Variants in RNFT2 observed in about 807,000 individuals in gnomAD.
RNFT2 encodes ring finger protein, transmembrane 2, also known as E3 ubiquitin-protein ligase RNFT2.
RNFT2 carries 36 observed loss-of-function variants against 53.0 expected under a neutral mutation model. The observed-to-expected ratio is 0.68, with a 90% CI of 0.52 to 0.90. The LOEUF (loss-of-function observed/expected upper bound fraction) is 0.90. RNFT2 is among the 40% of genes least tolerant of loss of function. RNFT2 has a pLI of 0.00. For missense variants in RNFT2, 514 were observed against 585.6 expected, an observed-to-expected ratio of 0.88 and a Z score of 1.26; for synonymous variants, 260 against 253.2, an observed-to-expected ratio of 1.03 and a Z score of -0.26.
At chr12:116,750,372 G>A in intron 4 of RNFT2, 65 bp downstream of exon 4, 1 of 1,477,718 alleles carries the variant, frequency 6.8e-7, no homozygotes, top group Non-Finnish European at 9.1e-7. Flanking sequence ...GCAGCCGGTG[G>A]GGTGGGGGCT....
intron 7 of RNFT2, among the ~76,000 whole-genome samples, chr12:116,785,894 C>T (rs1555261595): frequency 4.6e-5 from 7 of 150,718 alleles, no homozygotes; most frequent in Non-Finnish European, 1.0e-4. Context: ...ACAAAAAATA[C>T]AAAAAAAAAT....
intron 10 of RNFT2, among the ~76,000 whole-genome samples, chr12:116,843,859 C>T (rs1165364268): frequency 6.6e-6 from 1 of 152,212 alleles, no homozygotes; most frequent in Non-Finnish European, 1.5e-5. Context: ...TTGTCATCTG[C>T]ATTCCCATTC....
At chr12:116,785,680 T>C (rs1392518972) in intron 7 of RNFT2, among the ~76,000 whole-genome samples, 2 of 152,032 alleles carry the variant, frequency 1.3e-5, no homozygotes, top group Non-Finnish European at 2.9e-5. Context: ...AAACGGTGAG[T>C]AAGTGAAATG....
At chr12:116,815,763 C>G (rs559205021) in intron 7 of RNFT2, among the ~76,000 whole-genome samples, 1 of 152,088 alleles carries the variant, frequency 6.6e-6, no homozygotes, top group Non-Finnish European at 1.5e-5. Context: ...ATCTTTGGGG[C>G]GGGGGCATTA....
At chr12:116,841,273 G>A (rs756568410) in intron 10 of RNFT2, among the ~76,000 whole-genome samples, 6 of 151,994 alleles carry the variant, frequency 3.9e-5, no homozygotes, top group Non-Finnish European at 5.9e-5. Flanking sequence ...GCAACATAGC[G>A]AGACCCCCAT....
At chr12:116,832,148 A>AT (rs56674314) in intron 7 of RNFT2, among the ~76,000 whole-genome samples, 632 of 55,150 alleles carry the variant, frequency 0.011, 8 homozygotes, top group South Asian at 0.048. Context: ...AAAAAAAAAA[A>AT]ATATATATAT....
rs1877919758 is a variant in RNFT2 at position 116,851,422 on chromosome 12, G to T, written c.*1974G>T. 2.9e-6 allele frequency: 1 copy of T among 340,764 alleles called. No individual in the cohort carries two copies. The highest frequency in any genetic ancestry group is 2.1e-5 in the African/African-American group (1 of 47,836). 21.1% of individuals were successfully genotyped at this position (340,764 alleles called of 1,614,324 possible). A position where few individuals can be genotyped will look rare whatever the true frequency, so the allele number is the denominator to read the frequency against. Reference sequence around the variant, plus strand: ...GCCCCTCAGACATTCCAGGCATGGGGCCCAGCAGACACGGTCTTCTAAAAG... The same window carrying T: ...GCCCCTCAGACATTCCAGGCATGGGTCCCAGCAGACACGGTCTTCTAAAAG... On this transcript the variant is annotated 3_prime_UTR_variant, in exon 11 of 11. Transcript: ENST00000257575.
chr12:116,771,912 A>G (rs1873214635), intron 6 of RNFT2, among the ~76,000 whole-genome samples: 1 of 152,232 alleles, frequency 6.6e-6, no homozygotes, highest in African/African-American at 2.4e-5. Context: ...TAAATGAAGC[A>G]GGCAGAATCT....
intron 6 of RNFT2, among the ~76,000 whole-genome samples, chr12:116,771,284 A>G (rs577097118): frequency 1.1e-3 from 170 of 151,380 alleles, no homozygotes; most frequent in Non-Finnish European, 2.0e-3. Flanking sequence ...ACATGGTGAG[A>G]CTCCATCTCT....
chr12:116,851,076 G>C lies in RNFT2; in HGVS notation c.*1628G>C, dbSNP rs1276320715. On this transcript the variant is annotated 3_prime_UTR_variant, in exon 11 of 11. Coordinates refer to ENST00000257575, the MANE Select transcript of RNFT2 (RefSeq NM_001382266.1). ...TCATCCTCACAACAGCCCTGTGATGGGGGAGGTACTGTTGGGTCCCCTGTT... is the reference window on the plus strand; with the variant it reads ...TCATCCTCACAACAGCCCTGTGATGCGGGAGGTACTGTTGGGTCCCCTGTT... The C allele has an allele frequency of 6.6e-6, 1 of 152,204 alleles. No homozygotes were observed. Among genetic ancestry groups the C allele is most frequent in the African/African-American group, 2.4e-5 (1 of 41,424 alleles). The allele number at this position is 152,204 out of a possible 1,614,324, so 9.4% of individuals were successfully genotyped here.
At chr12:116,826,011 GCATTTTTCATA>G (rs1876311843) in intron 7 of RNFT2, among the ~76,000 whole-genome samples, 2 of 152,130 alleles carry the variant, frequency 1.3e-5, no homozygotes, top group South Asian at 4.1e-4. Flanking sequence ...CTCTGTCTGT[GCATTTTTCATA>G]CATTGAAGCT....
At chr12:116,816,412 G>C (rs941959296) in intron 7 of RNFT2, among the ~76,000 whole-genome samples, 89 of 152,198 alleles carry the variant, frequency 5.8e-4, no homozygotes, top group African/African-American at 2.1e-3. Flanking sequence ...GACTCTGCCA[G>C]CTGGCCCCTG....
intron 6 of RNFT2, among the ~76,000 whole-genome samples, chr12:116,774,608 C>G (rs918492657): frequency 6.6e-6 from 1 of 152,088 alleles, no homozygotes; most frequent in Non-Finnish European, 1.5e-5. Context: ...CTCAAGTCAG[C>G]CTTTCAGATC....
At chr12:116,800,199 C>A (rs759434849) in intron 7 of RNFT2, among the ~76,000 whole-genome samples, 3 of 152,040 alleles carry the variant, frequency 2.0e-5, no homozygotes, top group Non-Finnish European at 4.4e-5. Context: ...CTTTTCTTTA[C>A]AAATCACCTA....
intron 7 of RNFT2, among the ~76,000 whole-genome samples, chr12:116,818,803 G>A (rs989969878): frequency 3.9e-5 from 6 of 152,192 alleles, no homozygotes; most frequent in Admixed American, 2.0e-4. Context: ...CTGTAAAATG[G>A]TCCGTATAAT....
At chr12:116,800,811 C>CA (rs1201838970) in intron 7 of RNFT2, among the ~76,000 whole-genome samples, 3 of 29,856 alleles carry the variant, frequency 1.0e-4, no homozygotes, top group Admixed American at 5.6e-4. Context: ...AAGACTCCAT[C>CA]TTAAAATAAA....
At chr12:116,743,625 T>C (rs897958615) in intron 3 of RNFT2, among the ~76,000 whole-genome samples, 18 of 152,118 alleles carry the variant, frequency 1.2e-4, no homozygotes, top group African/African-American at 4.3e-4. Flanking sequence ...TGTTCTCAGA[T>C]TGGGACAGCC....
chr12:116,823,694 A>G (rs1308169487), intron 7 of RNFT2, among the ~76,000 whole-genome samples: 1 of 152,156 alleles, frequency 6.6e-6, no homozygotes, highest in Non-Finnish European at 1.5e-5. Flanking sequence ...AAAAAATAAT[A>G]ATAATAATTC....
At chr12:116,832,148 A>AATATATATATATATATATATATATATAT (rs1555209703) in intron 7 of RNFT2, among the ~76,000 whole-genome samples, 2 of 55,172 alleles carry the variant, frequency 3.6e-5, no homozygotes, top group African/African-American at 1.4e-4. Flanking sequence ...AAAAAAAAAA[A>AATATATATATATATATATATATATATAT]ATATATATAT....
Sources: allele counts gnomAD v4.1 joint callset (sites outside exome capture counted in the v4.1 genomes callset), GRCh38; gene constraint gnomAD v4.1.1; transcripts MANE v1.5; gene names NCBI Gene and HGNC (gene_info 2026-07-23, HGNC 2026-07-21).